The following HDDC3 variants were observed in gnomAD, a reference collection of about 807,000 sequenced individuals.
The protein encoded by HDDC3 is guanosine-3',5'-bis(diphosphate) 3'-pyrophosphohydrolase MESH1.
A neutral mutation model predicts 19.1 loss-of-function variants in HDDC3; 18 were observed. The ratio of observed to expected loss-of-function variants is 0.94; its 90% CI spans 0.65 to 1.40. The LOEUF is 1.40. Ranked by LOEUF, HDDC3 falls within the 40% of genes most tolerant of loss-of-function variation. HDDC3 has a pLI of 0.00. For synonymous variants in HDDC3, 107 were observed against 99.4 expected, an observed-to-expected ratio of 1.08 and a Z score of -0.46; for missense variants, 250 against 228.9, an observed-to-expected ratio of 1.09 and a Z score of -0.59.
chr15:90,932,498 C>G lies in HDDC3; in HGVS notation c.43G>C (p.Ala15Pro). The change falls in exon 1 of 4, where the codon GCG (alanine) becomes CCG (proline). Residue 15 changes from alanine (A) to proline (P), a missense_variant. Physicochemically the swap from Ala to Pro is conservative, Grantham distance 27. Coordinates refer to ENST00000394272, the MANE Select transcript of HDDC3 (RefSeq NM_001286451.2). ...AAQLLEAADF[A>P]ARKHRQQRRK... ...CGCTGCTGCCGGTGCTTGCGAGCCG[C>G]GAAGTCGGCAGCCTCCAGCAGCTGC... 7.7e-7 allele frequency: 1 copy of G among 1,304,162 alleles called. No homozygotes were observed. The highest frequency in any genetic ancestry group is 9.7e-7 in the Non-Finnish European group (1 of 1,026,616). The allele number at this position is 1,304,162 out of a possible 1,614,324, so 80.8% of individuals were successfully genotyped here. A position where few individuals can be genotyped will look rare whatever the true frequency, so the allele number is the denominator to read the frequency against.
Position 90,931,694 on chromosome 15 carries a change from G to T in HDDC3, c.409+10C>A, listed in dbSNP as rs779018863. 1 of 1,614,012 alleles carries T rather than the reference G, an allele frequency of 6.2e-7. No individual in the cohort carries two copies. The highest frequency in any genetic ancestry group is 8.5e-7 in the Non-Finnish European group (1 of 1,179,982). ...CTCCCTTTTCCCTTACAGCCCATAC[G>T]AAAGCGTACCCTCTGGGGTGCAGCG... On this transcript the variant is annotated intron_variant, in intron 3 of 3. Transcript: ENST00000394272.
intron 1 of HDDC3, 121 bp downstream of exon 1, chr15:90,932,308 G>C: frequency 1.3e-6 from 1 of 794,452 alleles, no homozygotes; most frequent in African/African-American, 1.7e-5. Context: ...AGGCTTAAAC[G>C]GTATATCGCA....
chr15:90,932,017 C>T (rs752762730), intron 2 of HDDC3, 38 bp downstream of exon 2: 1 of 1,614,022 alleles, frequency 6.2e-7, no homozygotes, highest in South Asian at 1.1e-5. Flanking sequence ...GCCCCTAATC[C>T]CCATCCCAGG....
Position 90,931,860 on chromosome 15 carries a change from G to C in HDDC3, c.253C>G (p.Leu85Val). 1.2e-6 allele frequency: 2 copies of C among 1,614,110 alleles called. No homozygotes were observed. The highest frequency in any genetic ancestry group is 8.5e-7 in the Non-Finnish European group (1 of 1,180,030). Residue 85 changes from leucine to valine, a missense_variant, in exon 3 of 4, where the codon CTG becomes GTG. Transcript: ENST00000394272. Reference protein sequence around the residue: ...ELHFGAQVRRLVEEVTDDKTL... With the variant: ...ELHFGAQVRRVVEEVTDDKTL... ...TTGTCATCTGTTACCTCCTCCACCA[G>C]GCGCCGCACTTGTGCCCCAAAGTGT...
intron 3 of HDDC3, 59 bp from the exon 4 acceptor site, chr15:90,931,464 C>A: frequency 1.4e-5 from 22 of 1,613,988 alleles, no homozygotes; most frequent in Non-Finnish European, 1.9e-5. Flanking sequence ...CTGCCTTTTC[C>A]CCACTTCCTG....
chr15:90,932,194 C>T (rs986480631), intron 1 of HDDC3, 84 bp from the exon 2 acceptor site: 10 of 1,415,884 alleles, frequency 7.1e-6, no homozygotes, highest in East Asian at 2.4e-5. Flanking sequence ...CCAGATGTGG[C>T]CCCTTGTGGA....
chr15:90,931,162 C>T lies in HDDC3; in HGVS notation c.*113G>A. 3.0e-6 allele frequency: 4 copies of T among 1,331,362 alleles called. No individual in the cohort carries two copies. The highest frequency in any genetic ancestry group is 2.5e-5 in the Admixed American group (1 of 40,266). 82.5% of individuals were successfully genotyped at this position (1,331,362 alleles called of 1,614,324 possible). ...AAAAATGCAAGTCTTTTTTTGGCCT[C>T]TAATATCTGGGAAGGATGGAGGGAG... On this transcript the variant is annotated 3_prime_UTR_variant, in exon 4 of 4. Coordinates refer to ENST00000394272, the MANE Select transcript of HDDC3 (RefSeq NM_001286451.2).
At chr15:90,932,324 C>A in intron 1 of HDDC3, 105 bp downstream of exon 1, 1 of 824,298 alleles carries the variant, frequency 1.2e-6, no homozygotes, top group Non-Finnish European at 1.8e-6. Flanking sequence ...TCGCACTAAG[C>A]TTGGGACAAA....
At chr15:90,931,446 G>A in intron 3 of HDDC3, 41 bp from the exon 4 acceptor site, 1 of 1,612,656 alleles carries the variant, frequency 6.2e-7, no homozygotes, top group Non-Finnish European at 8.5e-7. Flanking sequence ...GTGATGTCAA[G>A]GAAAGCACTG....
chr15:90,931,407 T>C lies in HDDC3; in HGVS notation c.410-2A>G. Reference sequence around the variant, plus strand: ...CCTGGACTCGATGTTCTGACCATCCTGCATAAGAGTCGACAGAAACTTGCT... The same window carrying C: ...CCTGGACTCGATGTTCTGACCATCCCGCATAAGAGTCGACAGAAACTTGCT... On this transcript the variant is annotated splice_acceptor_variant, in intron 3 of 3. Coordinates refer to ENST00000394272, the MANE Select transcript of HDDC3 (RefSeq NM_001286451.2). LOFTEE classifies it high-confidence loss of function. The C allele has an allele frequency of 1.3e-6, 2 of 1,588,236 alleles. No individual in the cohort carries two copies. Among genetic ancestry groups the C allele is most frequent in the Non-Finnish European group, 1.7e-6 (2 of 1,166,580 alleles).
Position 90,931,994 on chromosome 15 carries a change from A to G in HDDC3, c.169-50T>C, listed in dbSNP as rs773106026. 1.2e-5 allele frequency: 20 copies of G among 1,613,794 alleles called. 1 individual carries two copies. The South Asian group carries it at 2.2e-4, about 18-fold the overall frequency. ...CTGAGATGTCAGCCAAGGGTTGCCC[A>G]TTGCTGAATGGGGCCCCTAATCCCC... On this transcript the variant is annotated intron_variant, in intron 2 of 3. Coordinates refer to ENST00000394272, the MANE Select transcript of HDDC3 (RefSeq NM_001286451.2).
rs1335328103 is a variant in HDDC3 at position 90,931,384 on chromosome 15, T to TG, written c.430dup (p.Gln144ProfsTer41). 6.4e-7 allele frequency: 1 copy of TG among 1,564,784 alleles called. No homozygotes were observed. The highest frequency in any genetic ancestry group is 2.4e-5 in the East Asian group (1 of 41,524). On this transcript the variant is annotated frameshift_variant, in exon 4 of 4. Coordinates refer to ENST00000394272, the MANE Select transcript of HDDC3 (RefSeq NM_001286451.2). LOFTEE classifies it high-confidence loss of function. ...CTGCGCTGCCCACTCGAAGTATTCC[T>TG]GGACTCGATGTTCTGACCATCCTGC...
At chr15:90,931,970 T>G in intron 2 of HDDC3, 26 bp from the exon 3 acceptor site, 2 of 1,613,846 alleles carry the variant, frequency 1.2e-6, no homozygotes, top group African/African-American at 1.3e-5. Context: ...CACTCAGCCC[T>G]GAGATGTCAG....
Position 90,930,518 on chromosome 15 carries a change from C to T in HDDC3, c.*757G>A, listed in dbSNP as rs2035752795. 6.6e-6 allele frequency: 1 copy of T among 152,460 alleles called. No homozygotes were observed. The highest frequency in any genetic ancestry group is 2.1e-4 in the South Asian group (1 of 4,866). The allele number at this position is 152,460 out of a possible 1,614,324, so 9.4% of individuals were successfully genotyped here. A position where few individuals can be genotyped will look rare whatever the true frequency, so the allele number is the denominator to read the frequency against. On this transcript the variant is annotated 3_prime_UTR_variant, in exon 4 of 4. Transcript: ENST00000394272. ...TAGCTGGGATTACAGGCGCGAGCCACTGCGCCCGGCTAATTTTTTTTTGTA... is the reference window on the plus strand; with the variant it reads ...TAGCTGGGATTACAGGCGCGAGCCATTGCGCCCGGCTAATTTTTTTTTGTA...
At position 90,932,493 on chromosome 15, in the gene HDDC3, AGCCGCGAAGTCGGCAGCCTCCAG is replaced by A. The variant is rs2035838826; in HGVS notation, c.25_47del (p.Leu9SerfsTer35). ...TCCGCCGCTGCTGCCGGTGCTTGCG[AGCCGCGAAGTCGGCAGCCTCCAG>A]CAGCTGCGCCGCCTCAGAGCCCATC... On this transcript the variant is annotated frameshift_variant, in exon 1 of 4. Coordinates refer to ENST00000394272, the MANE Select transcript of HDDC3 (RefSeq NM_001286451.2). LOFTEE classifies it high-confidence loss of function. 2 of 1,310,140 alleles carry A rather than the reference AGCCGCGAAGTCGGCAGCCTCCAG, an allele frequency of 1.5e-6. No homozygotes were observed. Among genetic ancestry groups the A allele is most frequent in the Non-Finnish European group, 1.9e-6 (2 of 1,030,258 alleles). The allele number at this position is 1,310,140 out of a possible 1,614,324, so 81.2% of individuals were successfully genotyped here. A position where few individuals can be genotyped will look rare whatever the true frequency, so the allele number is the denominator to read the frequency against.
At chr15:90,931,966 G>A in intron 2 of HDDC3, 22 bp from the exon 3 acceptor site, 1 of 1,613,832 alleles carries the variant, frequency 6.2e-7, no homozygotes, top group Non-Finnish European at 8.5e-7. Context: ...TTCCCACTCA[G>A]CCCTGAGATG....
In HDDC3 at chr15:90,930,304, G is replaced by A. The variant is rs1353601622; in HGVS notation, c.*971C>T. The A allele has an allele frequency of 6.6e-6, 1 of 152,226 alleles. No homozygotes were observed. The highest frequency in any genetic ancestry group is 1.5e-5 in the Non-Finnish European group (1 of 68,050). 9.4% of individuals were successfully genotyped at this position (152,226 alleles called of 1,614,324 possible). A position where few individuals can be genotyped will look rare whatever the true frequency, so the allele number is the denominator to read the frequency against. ...ACCGGCCCAATCATGTTGCTGCTGG[G>A]GTCTCTCCGGTGCCCAGCAGTGGTT... On this transcript the variant is annotated 3_prime_UTR_variant, in exon 4 of 4. Coordinates refer to ENST00000394272, the MANE Select transcript of HDDC3 (RefSeq NM_001286451.2).
chr15:90,931,257 G>C lies in HDDC3; in HGVS notation c.*18C>G. Reference sequence around the variant, plus strand: ...GAACGAGGCTGGAGTTGTGCCTCTGGATAGCTTCAAGCACTGATCAGATTG... The same window carrying C: ...GAACGAGGCTGGAGTTGTGCCTCTGCATAGCTTCAAGCACTGATCAGATTG... On this transcript the variant is annotated 3_prime_UTR_variant, in exon 4 of 4. Transcript: ENST00000394272. 5 of 1,550,688 alleles carry C rather than the reference G, an allele frequency of 3.2e-6. No homozygotes were observed. The highest frequency in any genetic ancestry group is 2.4e-5 in the East Asian group (1 of 40,924).
Position 90,930,907 on chromosome 15 carries a change from G to C in HDDC3, c.*368C>G. The C allele has an allele frequency of 4.3e-6, 1 of 231,890 alleles. No individual in the cohort carries two copies. Among genetic ancestry groups the C allele is most frequent in the Admixed American group, 5.1e-5 (1 of 19,452 alleles). The allele number at this position is 231,890 out of a possible 1,614,324, so 14.4% of individuals were successfully genotyped here. A position where few individuals can be genotyped will look rare whatever the true frequency, so the allele number is the denominator to read the frequency against. ...CCACCAGTCGGAGGCTGGAGAAGGA[G>C]CAGCAGCAGCTTAAACCTTAACCCA... On this transcript the variant is annotated 3_prime_UTR_variant, in exon 4 of 4. Coordinates refer to ENST00000394272, the MANE Select transcript of HDDC3 (RefSeq NM_001286451.2).
Sources: gnomAD v4.1 joint callset for allele counts on GRCh38, gnomAD v4.1.1 for gene constraint, MANE v1.5 for transcripts, NCBI Gene and HGNC (gene_info 2026-07-23, HGNC 2026-07-21) for gene names.